RRN3: variants seen among roughly 807,000 people sequenced by gnomAD.
The protein encoded by RRN3 is RNA polymerase I transcription factor RRN3.
A neutral mutation model predicts 82.3 loss-of-function variants in RRN3; 38 were observed. The ratio of observed to expected loss-of-function variants is 0.46; its 90% CI spans 0.36 to 0.61. The LOEUF (loss-of-function observed/expected upper bound fraction) is 0.61, where lower values mean the gene tolerates loss of function less well. RRN3 is among the 20% of genes least tolerant of loss of function. The probability of loss-of-function intolerance (pLI) is 0.00; values close to 1 mark genes in which losing one functional copy is unlikely to be tolerated. For synonymous variants in RRN3, 284 were observed against 284.3 expected (o/e 1.00, Z 0.01); for missense variants, 726 against 793.1 (o/e 0.92, Z 1.02).
chr16:15,063,925 G>T (rs1029933799), intron 16 of RRN3, among the ~76,000 whole-genome samples: 1 of 152,020 alleles, frequency 6.6e-6, no homozygotes, highest in African/African-American at 2.4e-5. Flanking sequence ...AAATGAAACC[G>T]TAATATTCTG....
chr16:15,094,254 G>A lies in RRN3; in HGVS notation c.-21C>T, dbSNP rs546194787. ...GCCATTGGGCCGAACTAACGCGACC[G>A]CTGCGCCTCAGGCCGGATGCCCAGC... On this transcript the variant is annotated 5_prime_UTR_variant, in exon 1 of 18. Transcript: ENST00000198767. 16 of 1,546,942 alleles carry A rather than the reference G, an allele frequency of 1.0e-5. No individual in the cohort carries two copies. The African/African-American group carries it at 1.5e-4, about 14-fold the overall frequency.
At position 15,085,660 on chromosome 16, in the gene RRN3, C is replaced by A. The variant is rs1354547008; in HGVS notation, c.511G>T (p.Asp171Tyr). The change falls in exon 6 of 18, where the codon GAT (aspartate) becomes TAT (tyrosine). Residue 171 changes from aspartate (D) to tyrosine (Y), a missense_variant. Transcript: ENST00000198767. ...TTACTATCATCTTCATCATCAGAAT[C>A]TGAAACATCTACATCGCCTTCCTTA... ...IIKEGDVDVS[D>Y]SDDEDDNLPA... The A allele has an allele frequency of 1.9e-6, 3 of 1,613,484 alleles. No homozygotes were observed. Among genetic ancestry groups the A allele is most frequent in the Non-Finnish European group, 1.7e-6 (2 of 1,179,770 alleles).
chr16:15,080,873 A>G (rs992858857), intron 8 of RRN3, among the ~76,000 whole-genome samples: 1 of 151,836 alleles, frequency 6.6e-6, no homozygotes, highest in Non-Finnish European at 1.5e-5. Flanking sequence ...ACATGTTTTT[A>G]GGGTTCAATC....
intron 16 of RRN3, among the ~76,000 whole-genome samples, chr16:15,064,888 C>T (rs1217043073): frequency 3.3e-5 from 5 of 152,170 alleles, no homozygotes; most frequent in Non-Finnish European, 7.3e-5. Context: ...ACCTCCTGGC[C>T]GGGCGCGGTG....
intron 11 of RRN3, among the ~76,000 whole-genome samples, chr16:15,073,663 G>A (rs146010070): frequency 2.6e-5 from 4 of 152,096 alleles, no homozygotes; most frequent in African/African-American, 9.7e-5. Context: ...CCTCTAATCC[G>A]ATCATTTTAC....
intron 10 of RRN3, among the ~76,000 whole-genome samples, chr16:15,076,155 CCT>C (rs1457823832): frequency 1.3e-5 from 2 of 152,156 alleles, no homozygotes; most frequent in African/African-American, 4.8e-5. Flanking sequence ...CACCTGAATC[CCT>C]GTCTCAGACT....
chr16:15,065,027 G>C (rs1165778514), intron 16 of RRN3, among the ~76,000 whole-genome samples, 192 bp downstream of exon 16: 1 of 152,082 alleles, frequency 6.6e-6, no homozygotes, highest in Admixed American at 6.5e-5. Context: ...TTAGCCAGGC[G>C]TGGCAGTGGG....
chr16:15,092,329 T>G (rs1407041985), intron 2 of RRN3, among the ~76,000 whole-genome samples, 180 bp downstream of exon 2: 1 of 151,878 alleles, frequency 6.6e-6, no homozygotes, highest in Admixed American at 6.6e-5. Context: ...TGGGCCAAGG[T>G]GGGGGAAAAA....
intron 11 of RRN3, 35 bp downstream of exon 11, chr16:15,074,688 C>T (rs758013642): frequency 6.4e-7 from 1 of 1,553,762 alleles, no homozygotes; most frequent in Non-Finnish European, 8.8e-7. Flanking sequence ...AGGTACACTG[C>T]AGGTGTTCAA....
rs1419316146 is a variant in RRN3 at position 15,080,007 on chromosome 16, G to A, written c.756C>T (p.Leu252=). The change falls in exon 9 of 18, where the codon CTC becomes CTT. Residue 252 remains leucine, a synonymous_variant. Transcript: ENST00000198767. ...ATTACTCAATACTTACATCCAACTTGAGTAGTTTTTCAATAATAAGCTCCA... is the reference window on the plus strand; with the variant it reads ...ATTACTCAATACTTACATCCAACTTAAGTAGTTTTTCAATAATAAGCTCCA... ...EILELIIEKL[L]KLDVNASRQG... 3 of 1,594,724 alleles carry A rather than the reference G, an allele frequency of 1.9e-6. No individual in the cohort carries two copies. The African/African-American group carries it at 4.0e-5, about 21-fold the overall frequency.
chr16:15,090,107 G>C (rs1371488189), intron 3 of RRN3, among the ~76,000 whole-genome samples: 1 of 151,992 alleles, frequency 6.6e-6, no homozygotes, highest in Non-Finnish European at 1.5e-5. Flanking sequence ...CTATTTGGGA[G>C]GCTGAGGCAG....
intron 15 of RRN3, among the ~76,000 whole-genome samples, chr16:15,067,264 T>C (rs2045019635): frequency 6.6e-6 from 1 of 151,218 alleles, no homozygotes; most frequent in African/African-American, 2.4e-5. Context: ...CATTGAATAT[T>C]CAATTCTCCA....
chr16:15,078,509 C>T (rs2045558431), intron 9 of RRN3, among the ~76,000 whole-genome samples: 1 of 152,126 alleles, frequency 6.6e-6, no homozygotes, highest in Non-Finnish European at 1.5e-5. Flanking sequence ...ACCTTCTAAC[C>T]ACTAAATCCA....
chr16:15,068,494 C>G (rs11075254), intron 14 of RRN3, among the ~76,000 whole-genome samples: 97,633 of 152,064 alleles, frequency 0.64, 33,136 homozygotes, highest in Non-Finnish European at 0.74. Context: ...AAGGCAGCTT[C>G]TCTAAAGAAA....
intron 7 of RRN3, 136 bp downstream of exon 7, chr16:15,084,506 G>A (rs899299158): frequency 4.7e-5 from 29 of 610,760 alleles, no homozygotes; most frequent in African/African-American, 4.6e-4. Flanking sequence ...AGAATGTAAT[G>A]TTTCCTCAAG....
chr16:15,081,465 C>T (rs1219562752), intron 8 of RRN3, among the ~76,000 whole-genome samples: 1 of 152,112 alleles, frequency 6.6e-6, no homozygotes, highest in Non-Finnish European at 1.5e-5. Context: ...TGATGTTGAG[C>T]TTCTTTTCAT....
At chr16:15,084,082 G>A (rs1301874988) in intron 7 of RRN3, among the ~76,000 whole-genome samples, 6 of 152,212 alleles carry the variant, frequency 3.9e-5, no homozygotes, top group African/African-American at 1.2e-4. Context: ...ATAAGGTTCT[G>A]TTAACTCTGA....
intron 3 of RRN3, 46 bp from the exon 4 acceptor site, chr16:15,086,500 A>C: frequency 1.2e-6 from 2 of 1,607,412 alleles, no homozygotes; most frequent in Non-Finnish European, 1.7e-6. Context: ...ATCCTCTAAC[A>C]TAACAGAAAT....
intron 5 of RRN3, 117 bp downstream of exon 5, chr16:15,086,012 C>G: frequency 1.4e-6 from 1 of 704,902 alleles, no homozygotes; most frequent in Non-Finnish European, 2.4e-6. Context: ...TCTACCAGAC[C>G]TGGTGCCAAT....
Sources: allele counts gnomAD v4.1 joint callset (sites outside exome capture counted in the v4.1 genomes callset), GRCh38; gene constraint gnomAD v4.1.1; transcripts MANE v1.5; gene names NCBI Gene and HGNC (gene_info 2026-07-23, HGNC 2026-07-21).